Variants in GLE1 observed in about 807,000 individuals in gnomAD.
The protein encoded by GLE1 is mRNA export factor GLE1.
GLE1 carries 78 observed loss-of-function variants against 97.3 expected under a neutral mutation model. That is an observed-to-expected ratio of 0.80 (90% CI 0.67 to 0.97). The LOEUF (loss-of-function observed/expected upper bound fraction) is 0.97. GLE1 is among the 50% of genes least tolerant of loss of function. GLE1 has a pLI of 0.00. For synonymous variants in GLE1, 302 were observed against 313.4 expected (o/e 0.96, Z 0.39); for missense variants, 753 against 857.5 (o/e 0.88, Z 1.52).
intron 11 of GLE1, 105 bp from the exon 12 acceptor site, chr9:128,536,250 T>A: frequency 1.2e-6 from 1 of 836,816 alleles, no homozygotes; most frequent in Non-Finnish European, 2.0e-6. Context: ...GCCAGGCTAG[T>A]CTTGAACTCC....
rs763948685 is a variant in GLE1, at chr9:128,504,836, T to G, written c.31T>G (p.Leu11Val). 6.2e-7 allele frequency: 1 copy of G among 1,613,024 alleles called. No homozygotes were observed. Among genetic ancestry groups the G allele is most frequent in the African/African-American group, 1.3e-5 (1 of 75,040 alleles). ...GTCTGAGGGTCGCTGCTGGGAGACC[T>G]TGAAGGCCCTACGCAGTTCCGACAA... is the stretch of plus-strand genomic sequence containing the variant. MPSEGRCWET[L>V]KALRSSDKGR... Residue 11 changes from leucine (L) to valine (V), a missense_variant, in exon 1 of 16, where the codon TTG (leucine) becomes GTG (valine). Coordinates refer to ENST00000309971, the MANE Select transcript of GLE1 (RefSeq NM_001003722.2).
At chr9:128,517,198 G>C (rs959481029) in intron 3 of GLE1, among the ~76,000 whole-genome samples, 4 of 151,908 alleles carry the variant, frequency 2.6e-5, no homozygotes, top group Non-Finnish European at 5.9e-5. Flanking sequence ...GCTGAGGCAG[G>C]AGAATCACTT....
intron 12 of GLE1, among the ~76,000 whole-genome samples, chr9:128,537,142 G>T (rs1847735615): frequency 6.6e-6 from 1 of 152,006 alleles, no homozygotes; most frequent in East Asian, 1.9e-4. Context: ...AGAATGTGTG[G>T]GAACCAATGT....
chr9:128,519,408 C>T (rs1487102621), intron 3 of GLE1, among the ~76,000 whole-genome samples: 3 of 152,180 alleles, frequency 2.0e-5, no homozygotes, highest in East Asian at 1.9e-4. Context: ...AAGGAGAATA[C>T]GCGCCTGGGG....
At chr9:128,519,074 C>T (rs1009865431) in intron 3 of GLE1, among the ~76,000 whole-genome samples, 34 of 152,158 alleles carry the variant, frequency 2.2e-4, no homozygotes, top group Non-Finnish European at 7.3e-5. Context: ...TTATCACTTC[C>T]CTAATCAATA....
chr9:128,533,387 G>A (rs1847582565), intron 9 of GLE1, 126 bp from the exon 10 acceptor site: 1 of 726,142 alleles, frequency 1.4e-6, no homozygotes, highest in Non-Finnish European at 2.2e-6. Flanking sequence ...CCAAGATTGT[G>A]CCACTGCACT....
At chr9:128,540,008 C>T in intron 14 of GLE1, 1 of 692,204 alleles carries the variant, frequency 1.4e-6, no homozygotes, top group Non-Finnish European at 2.3e-6. Flanking sequence ...TCACTTGAGC[C>T]CAGGTGTTCA....
chr9:128,515,656 A>AGG lies in GLE1; in HGVS notation c.432+18_432+19dup, dbSNP rs774315243. On this transcript the variant is annotated intron_variant, in intron 3 of 15. Transcript: ENST00000309971. ...AAAGGAACAGTAAGTGAACCCATGA[A>AGG]GGAAGGCAGCCTTGATCCTGCGAGC... 2.8e-4 allele frequency: 375 copies of AGG among 1,356,986 alleles called. 1 individual carries two copies. Among genetic ancestry groups the AGG allele is most frequent in the Admixed American group, 3.7e-4 (22 of 59,202 alleles). 84.1% of individuals were successfully genotyped at this position (1,356,986 alleles called of 1,614,324 possible).
intron 2 of GLE1, among the ~76,000 whole-genome samples, chr9:128,509,791 T>C (rs564090467): frequency 8.4e-4 from 128 of 152,068 alleles, no homozygotes; most frequent in East Asian, 1.2e-3. Flanking sequence ...AGACCTTGTC[T>C]CTCCAAAATA....
chr9:128,541,515 G>T lies in GLE1; in HGVS notation c.*345G>T, dbSNP rs924354083. The T allele has an allele frequency of 3.1e-6, 1 of 317,536 alleles. No homozygotes were observed. The highest frequency in any genetic ancestry group is 2.1e-5 in the African/African-American group (1 of 46,806). 19.7% of individuals were successfully genotyped at this position (317,536 alleles called of 1,614,324 possible). A position where few individuals can be genotyped will look rare whatever the true frequency, so the allele number is the denominator to read the frequency against. On this transcript the variant is annotated 3_prime_UTR_variant, in exon 16 of 16. Transcript: ENST00000309971. The stretch of plus-strand genomic sequence containing the variant: ...CAATACCTTAACAAATGCACTCTGA[G>T]CTGGAGGGAGCCCACCATTTGCACC...
chr9:128,507,034 G>T (rs988787577), intron 1 of GLE1, among the ~76,000 whole-genome samples: 1 of 151,650 alleles, frequency 6.6e-6, no homozygotes, highest in South Asian at 2.1e-4. Flanking sequence ...GATGTTCCAC[G>T]CTCATCTTAT....
intron 4 of GLE1, 148 bp from the exon 5 acceptor site, chr9:128,523,132 T>C (rs1847201103): frequency 1.3e-6 from 1 of 746,506 alleles, no homozygotes; most frequent in Admixed American, 2.0e-5. Context: ...TGAGCTATGC[T>C]CTGCAGCCTG....
rs371482630 is a variant in GLE1, at chr9:128,509,773, A to G, written c.321+676A>G. On this transcript the variant is annotated intron_variant, in intron 2 of 15. Coordinates refer to ENST00000309971, the MANE Select transcript of GLE1 (RefSeq NM_001003722.2). ...CAGGAGTTCAAGACCAGCCTGGGCAACATAGTGAGACCTTGTCTCTCCAAA... is the reference window on the plus strand; with the variant it reads ...CAGGAGTTCAAGACCAGCCTGGGCAGCATAGTGAGACCTTGTCTCTCCAAA... 1.1e-4 allele frequency among the ~76,000 whole-genome samples: 17 copies of G among 152,114 alleles called. 1 individual carries two copies. The East Asian group carries it at 2.3e-3, about 21-fold the overall frequency.
rs1847324311 is a variant in GLE1 at position 128,527,170 on chromosome 9, A to G, written c.1130-9A>G. On this transcript the variant is annotated splice_polypyrimidine_tract_variant and intron_variant, in intron 7 of 15. Coordinates refer to ENST00000309971, the MANE Select transcript of GLE1 (RefSeq NM_001003722.2). ...TAGCTATTACTAAAACCTCTCTTTT[A>G]TTTCTCAGACCTCCAGGTGAAGGTA... 1 of 1,485,516 alleles carries G rather than the reference A, an allele frequency of 6.7e-7. No homozygotes were observed. Among genetic ancestry groups the G allele is most frequent in the East Asian group, 2.3e-5 (1 of 44,298 alleles). 92.0% of individuals were successfully genotyped at this position (1,485,516 alleles called of 1,614,324 possible).
At chr9:128,505,161 C>T (rs1283141029) in intron 1 of GLE1, among the ~76,000 whole-genome samples, 1 of 152,202 alleles carries the variant, frequency 6.6e-6, no homozygotes, top group Non-Finnish European at 1.5e-5. Context: ...GCCAGTTGGG[C>T]GCCTTCTCCG....
intron 2 of GLE1, among the ~76,000 whole-genome samples, chr9:128,509,333 G>A (rs1412199940): frequency 2.6e-5 from 4 of 151,412 alleles, no homozygotes; most frequent in African/African-American, 7.3e-5. Flanking sequence ...ATGAGCAATT[G>A]GATTTTTTTT....
chr9:128,540,216 G>A (rs189276276), intron 14 of GLE1, 59 bp from the exon 15 acceptor site: 21 of 1,156,148 alleles, frequency 1.8e-5, no homozygotes, highest in Admixed American at 1.7e-4. Context: ...GTGAGACACC[G>A]TTTCCAAAAG....
intron 3 of GLE1, among the ~76,000 whole-genome samples, chr9:128,520,023 G>A (rs139019693): frequency 0.013 from 1,975 of 152,070 alleles, 54 homozygotes; most frequent in African/African-American, 0.045. Flanking sequence ...AGGCTGAGGC[G>A]GGAGGATCAC....
chr9:128,509,924 A>T (rs907183049), intron 2 of GLE1, among the ~76,000 whole-genome samples: 1 of 152,078 alleles, frequency 6.6e-6, no homozygotes, highest in Non-Finnish European at 1.5e-5. Context: ...AAGCCATTAC[A>T]TTCCAGCCTA....
Sources: allele counts gnomAD v4.1 joint callset (sites outside exome capture counted in the v4.1 genomes callset), GRCh38; gene constraint gnomAD v4.1.1; transcripts MANE v1.5; gene names NCBI Gene and HGNC (gene_info 2026-07-23, HGNC 2026-07-21).